Variants in DGKB observed in about 807,000 individuals in gnomAD.
DGKB encodes 90 kDa diacylglycerol kinase.
Under a neutral mutation model 114.3 loss-of-function variants are expected in DGKB, and 67 were observed. The observed-to-expected ratio is 0.59, with a 90% CI of 0.48 to 0.72. The LOEUF (loss-of-function observed/expected upper bound fraction) is 0.72. DGKB is among the 30% of genes least tolerant of loss of function. DGKB has a pLI of 0.00. For missense variants in DGKB, 907 were observed against 975.2 expected, an observed-to-expected ratio of 0.93 and a Z score of 0.93; for synonymous variants, 398 against 323.1, an observed-to-expected ratio of 1.23 and a Z score of -2.49.
intron 13 of DGKB, among the ~76,000 whole-genome samples, chr7:14,649,406 G>C (rs1489412812): frequency 2.0e-5 from 3 of 149,880 alleles, no homozygotes; most frequent in Admixed American, 6.6e-5. Context: ...AGCTTCATAA[G>C]TGAAGGAGAA....
chr7:14,616,174 A>G (rs1806472166), intron 15 of DGKB, among the ~76,000 whole-genome samples: 1 of 148,956 alleles, frequency 6.7e-6, no homozygotes, highest in South Asian at 2.1e-4. Flanking sequence ...CCTACATATA[A>G]AAACATTCTC....
chr7:14,560,145 C>A (rs939727834), intron 20 of DGKB, among the ~76,000 whole-genome samples: 6 of 151,788 alleles, frequency 4.0e-5, no homozygotes, highest in African/African-American at 7.3e-5. Flanking sequence ...TATATTTAGT[C>A]TTTCTCCTCT....
intron 23 of DGKB, among the ~76,000 whole-genome samples, chr7:14,189,173 T>C (rs1783935879): frequency 6.6e-6 from 1 of 152,168 alleles, no homozygotes; most frequent in Non-Finnish European, 1.5e-5. Flanking sequence ...AATCCTCTAG[T>C]ATGAACGTTT....
At chr7:14,395,984 A>G (rs769672172) in intron 21 of DGKB, among the ~76,000 whole-genome samples, 2 of 152,034 alleles carry the variant, frequency 1.3e-5, no homozygotes, top group Non-Finnish European at 1.5e-5. Context: ...ACTGCTTTCA[A>G]TATAACTTTC....
chr7:14,541,193 A>G (rs1793384359), intron 20 of DGKB, among the ~76,000 whole-genome samples: 1 of 152,044 alleles, frequency 6.6e-6, no homozygotes, highest in African/African-American at 2.4e-5. Flanking sequence ...GGGAGCAGAG[A>G]ATAGCCCAAG....
chr7:14,760,609 G>C (rs1282485154), intron 2 of DGKB, among the ~76,000 whole-genome samples: 1 of 151,988 alleles, frequency 6.6e-6, no homozygotes, highest in Non-Finnish European at 1.5e-5. Flanking sequence ...GACCCACAGA[G>C]ACACACACAT....
chr7:14,479,565 T>A (rs1182156722), intron 20 of DGKB, among the ~76,000 whole-genome samples: 1 of 152,140 alleles, frequency 6.6e-6, no homozygotes. Context: ...TTGTTATATA[T>A]ACATGGCCAA....
intron 1 of DGKB, among the ~76,000 whole-genome samples, chr7:14,841,970 A>C (rs901019293): frequency 6.6e-6 from 1 of 152,240 alleles, no homozygotes; most frequent in African/African-American, 2.4e-5. Context: ...AATGTCTGAA[A>C]GACTTGTGTA....
intron 7 of DGKB, 48 bp from the exon 8 acceptor site, chr7:14,698,217 G>A: frequency 8.4e-7 from 1 of 1,188,566 alleles, no homozygotes; most frequent in Non-Finnish European, 1.2e-6. Flanking sequence ...ATCTTAGTGA[G>A]TTTTAAATCT....
chr7:14,944,090 CT>C (rs1299910425), intron 1 of DGKB, among the ~76,000 whole-genome samples: 1 of 151,732 alleles, frequency 6.6e-6, no homozygotes, highest in Non-Finnish European at 1.5e-5. Context: ...ATTCTATTAC[CT>C]AATAAATTAA....
chr7:14,434,168 G>C (rs115036832), intron 21 of DGKB, among the ~76,000 whole-genome samples: 3,228 of 152,204 alleles, frequency 0.021, 117 homozygotes, highest in African/African-American at 0.071. Context: ...AATTAAGATG[G>C]ACAAGCAAAC....
At chr7:14,439,005 AG>A (rs1459442893) in intron 21 of DGKB, among the ~76,000 whole-genome samples, 1 of 147,560 alleles carries the variant, frequency 6.8e-6, no homozygotes, top group Non-Finnish European at 1.5e-5. Context: ...TTTTTCTTTT[AG>A]TTCAAGTTTT....
intron 21 of DGKB, among the ~76,000 whole-genome samples, chr7:14,466,290 G>A (rs1780462576): frequency 6.6e-6 from 1 of 152,156 alleles, no homozygotes; most frequent in Non-Finnish European, 1.5e-5. Flanking sequence ...CAGGTGTGGT[G>A]GCTCATGCCT....
At chr7:14,508,573 A>G (rs564906484) in intron 20 of DGKB, among the ~76,000 whole-genome samples, 1 of 152,334 alleles carries the variant, frequency 6.6e-6, no homozygotes, top group African/African-American at 2.4e-5. Flanking sequence ...TAATCATTGC[A>G]GTAAATGCTC....
intron 20 of DGKB, among the ~76,000 whole-genome samples, chr7:14,501,899 G>T (rs571397161): frequency 6.4e-4 from 98 of 151,976 alleles, no homozygotes; most frequent in African/African-American, 2.3e-3. Context: ...TTAAATAATG[G>T]GGTCTGGACT....
At chr7:14,857,407 C>G (rs1174853730) in intron 1 of DGKB, among the ~76,000 whole-genome samples, 1 of 152,064 alleles carries the variant, frequency 6.6e-6, no homozygotes, top group Non-Finnish European at 1.5e-5. Flanking sequence ...ATACAACCCA[C>G]AGACACTTCG....
intron 21 of DGKB, among the ~76,000 whole-genome samples, chr7:14,475,263 T>C (rs988975130): frequency 2.0e-5 from 3 of 152,132 alleles, no homozygotes; most frequent in African/African-American, 7.2e-5. Flanking sequence ...CCTGAAAATA[T>C]GAAAGTGTGC....
At chr7:14,567,687 A>T (rs1040301377) in intron 20 of DGKB, among the ~76,000 whole-genome samples, 6 of 147,380 alleles carry the variant, frequency 4.1e-5, no homozygotes, top group Non-Finnish European at 8.9e-5. Context: ...GCTCACTGCA[A>T]CCTCTGCCTC....
intron 20 of DGKB, among the ~76,000 whole-genome samples, chr7:14,544,567 C>T (rs1448843778): frequency 6.6e-6 from 1 of 152,088 alleles, no homozygotes; most frequent in Non-Finnish European, 1.5e-5. Flanking sequence ...TCCTTTTATT[C>T]TCACAGGGTT....
Sources: gnomAD v4.1 joint callset for allele counts (sites outside exome capture counted in the v4.1 genomes callset) on GRCh38, gnomAD v4.1.1 for gene constraint, MANE v1.5 for transcripts, NCBI Gene and HGNC (gene_info 2026-07-23, HGNC 2026-07-21) for gene names.